EPB41: variants seen among roughly 807,000 people sequenced by gnomAD.
EPB41 encodes protein 4.1.
A neutral mutation model predicts 108.0 loss-of-function variants in EPB41; 65 were observed. The ratio of observed to expected loss-of-function variants is 0.60; its 90% confidence interval spans 0.49 to 0.74. EPB41 has a LOEUF of 0.74. EPB41 is among the 30% of genes least tolerant of loss of function. The probability of loss-of-function intolerance (pLI) is 0.00; values close to 1 mark genes in which losing one functional copy is unlikely to be tolerated. For missense variants in EPB41, 875 were observed against 1,037.0 expected (o/e 0.84, Z 2.15); for synonymous variants, 336 against 358.9 (o/e 0.94, Z 0.72).
intron 16 of EPB41, among the ~76,000 whole-genome samples, chr1:29,067,512 A>AG: frequency 6.7e-6 from 1 of 148,654 alleles, no homozygotes; most frequent in East Asian, 2.0e-4. Context: ...AAAAAAAAAA[A>AG]AAAAAAAAGC....
chr1:28,965,489 T>C (rs971147028), intron 1 of EPB41, among the ~76,000 whole-genome samples: 26 of 152,152 alleles, frequency 1.7e-4, no homozygotes, highest in Admixed American at 3.3e-4. Flanking sequence ...AGAAGATGAA[T>C]GAATCAGGTA....
At chr1:29,096,862 T>C (rs1017532610) in intron 16 of EPB41, 8 of 152,698 alleles carry the variant, frequency 5.2e-5, no homozygotes, top group African/African-American at 1.9e-4. Flanking sequence ...TGTTCATCTT[T>C]TCCTTGCTCA....
At chr1:29,042,398 A>G (rs543623229) in intron 11 of EPB41, among the ~76,000 whole-genome samples, 1 of 152,278 alleles carries the variant, frequency 6.6e-6, no homozygotes, top group Admixed American at 6.5e-5. Flanking sequence ...GGTCAGCCAC[A>G]TTTGGAAAAA....
chr1:29,037,729 G>A (rs942944501), intron 10 of EPB41, among the ~76,000 whole-genome samples: 3 of 151,594 alleles, frequency 2.0e-5, no homozygotes, highest in Non-Finnish European at 4.4e-5. Flanking sequence ...TAGAGACCGG[G>A]TTTCACCATA....
chr1:29,011,734 G>A, intron 4 of EPB41, 131 bp from the exon 5 acceptor site: 1 of 1,000,750 alleles, frequency 1.0e-6, no homozygotes, highest in Non-Finnish European at 1.5e-6. Flanking sequence ...TGAAATTAAT[G>A]CAAAGACTAT....
intron 5 of EPB41, among the ~76,000 whole-genome samples, chr1:29,013,897 A>G (rs1233644462): frequency 6.7e-6 from 1 of 149,336 alleles, no homozygotes; most frequent in African/African-American, 2.5e-5. Context: ...AAATTTAAAC[A>G]TTGTAGGAAA....
At chr1:29,006,542 A>G (rs1189035498) in intron 4 of EPB41, among the ~76,000 whole-genome samples, 1 of 151,810 alleles carries the variant, frequency 6.6e-6, no homozygotes, top group East Asian at 1.9e-4. Flanking sequence ...CGGCCAAAGA[A>G]TTTTTTAAAA....
At chr1:28,921,948 A>G (rs1487051032) in intron 1 of EPB41, among the ~76,000 whole-genome samples, 2 of 119,560 alleles carry the variant, frequency 1.7e-5, no homozygotes. Flanking sequence ...TTATATATAT[A>G]TATATATATA....
chr1:28,912,178 C>T (rs1023351486), upstream of EPB41, among the ~76,000 whole-genome samples: 9 of 152,174 alleles, frequency 5.9e-5, no homozygotes, highest in East Asian at 1.9e-4. Context: ...ATTTATTGAG[C>T]GTATACTGTT....
intron 17 of EPB41, among the ~76,000 whole-genome samples, chr1:29,105,904 G>A (rs1472820445): frequency 6.6e-6 from 1 of 151,834 alleles, no homozygotes; most frequent in Non-Finnish European, 1.5e-5. Context: ...GTATCACCAT[G>A]CCTGGCTAAT....
Position 28,930,705 on chromosome 1 carries a change from G to A in EPB41, c.-8+15937G>A, listed in dbSNP as rs370657157. 4.3e-4 allele frequency among the ~76,000 whole-genome samples: 66 copies of A among 151,956 alleles called. 2 individuals are homozygous for A. The East Asian group carries it at 0.01, about 24-fold the overall frequency. On this transcript the variant is annotated intron_variant, in intron 1 of 20. Transcript: ENST00000343067. ...TCACCTTGTTGGCCAGGCTGGTCTC[G>A]AACTCCTGACCTCAGGTGATCCGCC... is the stretch of plus-strand genomic sequence containing the variant.
At chr1:28,981,864 A>C (rs115093660) in intron 1 of EPB41, among the ~76,000 whole-genome samples, 3,535 of 149,406 alleles carry the variant, frequency 0.024, 151 homozygotes, top group African/African-American at 0.082. Context: ...TTTAATTTTT[A>C]TTTTTATTAT....
At chr1:28,955,350 T>C (rs972567274) in intron 1 of EPB41, among the ~76,000 whole-genome samples, 11 of 101,834 alleles carry the variant, frequency 1.1e-4, no homozygotes, top group African/African-American at 4.7e-4. Flanking sequence ...TTCTTTATTC[T>C]TTTTTTTTTT....
At chr1:28,956,668 CTTTAATA>C (rs1200222556) in intron 1 of EPB41, among the ~76,000 whole-genome samples, 1 of 152,162 alleles carries the variant, frequency 6.6e-6, no homozygotes. Flanking sequence ...ATGTGTAACA[CTTTAATA>C]TTTATATTAC....
intron 16 of EPB41, chr1:29,069,583 C>A: frequency 2.6e-6 from 1 of 387,800 alleles, no homozygotes; most frequent in Non-Finnish European, 3.7e-6. Flanking sequence ...ACTGAATGAA[C>A]TGTTGCTTTT....
intron 7 of EPB41, among the ~76,000 whole-genome samples, chr1:29,025,357 T>A (rs2096706407): frequency 6.6e-6 from 1 of 152,008 alleles, no homozygotes; most frequent in Admixed American, 6.6e-5. Flanking sequence ...AACTTTATTG[T>A]AACTTCTCTT....
upstream of EPB41, chr1:28,911,031 T>A (rs551507289): frequency 2.0e-6 from 2 of 985,398 alleles, no homozygotes; most frequent in African/African-American, 1.7e-5. Flanking sequence ...TGGTACCTGA[T>A]GGCAGTCTCT....
At chr1:28,907,402 T>G (rs1175364215) in intron 1 of EPB41, among the ~76,000 whole-genome samples, 10 of 151,730 alleles carry the variant, frequency 6.6e-5, no homozygotes, top group South Asian at 2.1e-4. Flanking sequence ...GTCTCACCGT[T>G]ACCCAGGCTG....
chr1:29,096,562 T>C, intron 16 of EPB41: 1 of 985,758 alleles, frequency 1.0e-6, no homozygotes, highest in Non-Finnish European at 1.2e-6. Flanking sequence ...TTCTTGACTT[T>C]CATGTGGGTA....
Sources: allele counts gnomAD v4.1 joint callset (sites outside exome capture counted in the v4.1 genomes callset), GRCh38; gene constraint gnomAD v4.1.1; transcripts MANE v1.5; gene names NCBI Gene and HGNC (gene_info 2026-07-23, HGNC 2026-07-21).